The following PCDHA6 variants were observed in gnomAD, a reference collection of about 807,000 sequenced individuals.
The protein encoded by PCDHA6 is protocadherin alpha 6.
PCDHA6 carries 55 observed loss-of-function variants against 60.3 expected under a neutral mutation model. The observed-to-expected ratio is 0.91, with a 90% confidence interval of 0.73 to 1.14. The LOEUF is 1.14. PCDHA6 is among the 50% of genes most tolerant of loss of function. The probability of loss-of-function intolerance (pLI) is 0.00; values close to 1 mark genes in which losing one functional copy is unlikely to be tolerated. For missense variants in PCDHA6, 1,327 were observed against 1,256.5 expected, an observed-to-expected ratio of 1.06 and a Z score of -0.85; for synonymous variants, 652 against 557.9, an observed-to-expected ratio of 1.17 and a Z score of -2.38.
chr5:140,924,768 G>C lies in PCDHA6; in HGVS notation c.2395-54181G>C, dbSNP rs562954470. ...AAATTAACCGAGCATGGTGGTGCGCGCTTGTAGTCCTAGCTACTTAGGAGG... is the reference window on the plus strand; with the variant it reads ...AAATTAACCGAGCATGGTGGTGCGCCCTTGTAGTCCTAGCTACTTAGGAGG... On this transcript the variant is annotated intron_variant, in intron 1 of 3. Coordinates refer to ENST00000529310, the MANE Select transcript of PCDHA6 (RefSeq NM_018909.4). Among the ~76,000 whole-genome samples the C allele has an allele frequency of 3.9e-3, 597 of 151,896 alleles. 3 individuals are homozygous for C. The highest frequency in any genetic ancestry group is 0.014 in the African/African-American group (579 of 41,424).
chr5:140,828,427 G>A lies in PCDHA6; in HGVS notation c.336G>A (p.Arg112=). The change falls in exon 1 of 4, where the codon AGG becomes AGA. Residue 112 remains arginine (R), a synonymous_variant. Coordinates refer to ENST00000529310, the MANE Select transcript of PCDHA6 (RefSeq NM_018909.4). ...CSIHLEVIVD[R]PLQVFHVDVE... ...TCCACCTGGAGGTGATCGTGGACAG[G>A]CCGCTGCAGGTTTTCCATGTGGACG... 6.2e-7 allele frequency: 1 copy of A among 1,614,282 alleles called. No homozygotes were observed. Among genetic ancestry groups the A allele is most frequent in the Non-Finnish European group, 8.5e-7 (1 of 1,180,054 alleles).
chr5:140,863,377 G>C (rs782482597), intron 1 of PCDHA6: 1 of 1,100,622 alleles, frequency 9.1e-7, no homozygotes, highest in African/African-American at 1.6e-5. Context: ...GCAGCTCACC[G>C]AGAGCTCGTG....
In PCDHA6 at chr5:140,852,367, T is replaced by C. The variant is rs2150515720; in HGVS notation, c.2394+21882T>C. On this transcript the variant is annotated intron_variant, in intron 1 of 3. Transcript: ENST00000529310. Reference sequence around the variant, plus strand: ...ATCTTGGCTCACTGCAACGTCTGCCTCCTGGGTTCAAGCAATTCTCCTGCC... The same window carrying C: ...ATCTTGGCTCACTGCAACGTCTGCCCCCTGGGTTCAAGCAATTCTCCTGCC... 73 of 201,190 alleles carry C rather than the reference T, an allele frequency of 3.6e-4. 4 individuals are homozygous for C. The highest frequency in any genetic ancestry group is 6.9e-4 in the Non-Finnish European group (70 of 101,398). 12.5% of individuals were successfully genotyped at this position (201,190 alleles called of 1,614,324 possible).
chr5:140,876,378 T>A, intron 1 of PCDHA6: 1 of 1,613,948 alleles, frequency 6.2e-7, no homozygotes, highest in Non-Finnish European at 8.5e-7. Context: ...CAGGTGAAAT[T>A]AGAATTTATG....
intron 1 of PCDHA6, among the ~76,000 whole-genome samples, chr5:140,950,687 C>A (rs2153690415): frequency 6.6e-6 from 1 of 152,106 alleles, no homozygotes; most frequent in South Asian, 2.1e-4. Context: ...ATATTGTTAA[C>A]CAAATTTGAC....
At chr5:140,884,395 C>T (rs1554181520) in intron 1 of PCDHA6, 1 of 1,614,000 alleles carries the variant, frequency 6.2e-7, no homozygotes, top group African/African-American at 1.3e-5. Context: ...CGGTGTCCAG[C>T]CTGTTGGTGC....
At chr5:140,903,871 A>G (rs1382306493) in intron 1 of PCDHA6, among the ~76,000 whole-genome samples, 2 of 152,192 alleles carry the variant, frequency 1.3e-5, no homozygotes, top group Non-Finnish European at 2.9e-5. Context: ...GAGTAAAATG[A>G]CAAAGACATT....
chr5:141,003,017 G>T (rs1398844749), intron 3 of PCDHA6, among the ~76,000 whole-genome samples: 1 of 152,240 alleles, frequency 6.6e-6, no homozygotes, highest in Non-Finnish European at 1.5e-5. Flanking sequence ...GGGAAAGTCA[G>T]TGTAAATCAG....
intron 1 of PCDHA6, chr5:140,927,766 G>A: frequency 1.2e-6 from 2 of 1,614,234 alleles, no homozygotes; most frequent in Non-Finnish European, 1.7e-6. Context: ...TAAAAGTGGG[G>A]AGGTGCAAGT....
chr5:140,916,732 C>A (rs2077701110), intron 1 of PCDHA6, among the ~76,000 whole-genome samples: 1 of 152,178 alleles, frequency 6.6e-6, no homozygotes, highest in South Asian at 2.1e-4. Flanking sequence ...TTTGTTGCTG[C>A]AAGCTTCACT....
chr5:140,856,705 T>C lies in PCDHA6; in HGVS notation c.2394+26220T>C, dbSNP rs1180012715. 2.5e-6 allele frequency: 4 copies of C among 1,596,614 alleles called. No homozygotes were observed. The African/African-American group carries it at 5.4e-5, about 22-fold the overall frequency. ...TGACAGCAACTGATGGAGGCAAACC[T>C]GAATTTACCGGATCTGTTTCTCTGC... On this transcript the variant is annotated intron_variant, in intron 1 of 3. Transcript: ENST00000529310.
intron 1 of PCDHA6, among the ~76,000 whole-genome samples, chr5:140,972,693 C>A (rs1358194667): frequency 2.3e-5 from 3 of 130,312 alleles, no homozygotes; most frequent in East Asian, 4.7e-4. Flanking sequence ...GAGATGGAGT[C>A]TCACTCTGTT....
At chr5:140,922,092 C>G (rs188826380) in intron 1 of PCDHA6, among the ~76,000 whole-genome samples, 2 of 152,184 alleles carry the variant, frequency 1.3e-5, no homozygotes. Context: ...GGTATTTCTA[C>G]CAACTATAGA....
At chr5:140,941,185 CTTTT>C (rs782102770) in intron 1 of PCDHA6, among the ~76,000 whole-genome samples, 59 of 102,236 alleles carry the variant, frequency 5.8e-4, no homozygotes, top group South Asian at 3.1e-3. Context: ...CATCCTGCTT[CTTTT>C]TTTTTCTTTC....
intron 1 of PCDHA6, chr5:140,883,550 C>A: frequency 6.2e-7 from 1 of 1,614,188 alleles, no homozygotes; most frequent in Non-Finnish European, 8.5e-7. Flanking sequence ...GGTGACCGCG[C>A]GGGACGGGGG....
At chr5:140,982,592 C>G (rs376230429) in intron 3 of PCDHA6, 29 bp downstream of exon 3, 3 of 1,610,372 alleles carry the variant, frequency 1.9e-6, no homozygotes, top group Non-Finnish European at 2.5e-6. Flanking sequence ...TCCATTCTTT[C>G]TTGGTTTCTG....
chr5:140,918,115 A>T (rs185486488), intron 1 of PCDHA6, among the ~76,000 whole-genome samples: 1 of 152,080 alleles, frequency 6.6e-6, no homozygotes, highest in East Asian at 1.9e-4. Context: ...CACATCCTTG[A>T]TTAGCCATAT....
At chr5:140,982,054 G>T (rs565307071) in intron 2 of PCDHA6, among the ~76,000 whole-genome samples, 1 of 152,322 alleles carries the variant, frequency 6.6e-6, no homozygotes, top group East Asian at 1.9e-4. Context: ...AAATATTTTA[G>T]TGTGTTTTCT....
Position 140,924,886 on chromosome 5 carries a change from A to C in PCDHA6, c.2395-54063A>C, listed in dbSNP as rs190850675. ...CTCCAGCCTGGGTGACAGAGCAAGAACCTGTCTCAAAAAAAAAAATAAAAT... is the reference window on the plus strand; with the variant it reads ...CTCCAGCCTGGGTGACAGAGCAAGACCCTGTCTCAAAAAAAAAAATAAAAT... On this transcript the variant is annotated intron_variant, in intron 1 of 3. Transcript: ENST00000529310. Among the ~76,000 whole-genome samples, 1,191 of 137,252 alleles carry C rather than the reference A, an allele frequency of 8.7e-3. 7 individuals carry two copies. Among genetic ancestry groups the C allele is most frequent in the African/African-American group, 0.022 (767 of 35,510 alleles). The allele number at this position is 137,252 out of a possible 152,430, so 90.0% of individuals were successfully genotyped here.
Sources: gnomAD v4.1 joint callset for allele counts (sites outside exome capture counted in the v4.1 genomes callset) on GRCh38, gnomAD v4.1.1 for gene constraint, MANE v1.5 for transcripts, NCBI Gene and HGNC (gene_info 2026-07-23, HGNC 2026-07-21) for gene names.